Variants in HRH2 observed in about 807,000 individuals in gnomAD.
The protein encoded by HRH2 is histamine H2 receptor.
Under a neutral mutation model 20.1 loss-of-function variants are expected in HRH2, and 4 were observed. That is an observed-to-expected ratio of 0.20 (90% CI 0.10 to 0.45). HRH2 has a LOEUF of 0.45. HRH2 is among the 20% of genes least tolerant of loss of function. HRH2 has a pLI of 0.99. For missense variants in HRH2, 250 were observed against 461.6 expected, an observed-to-expected ratio of 0.54 and a Z score of 4.20; for synonymous variants, 197 against 200.7, an observed-to-expected ratio of 0.98 and a Z score of 0.16.
rs1561732655 is a variant in HRH2 at position 175,686,216 on chromosome 5, AAAT to A, written c.1076+1909_1076+1911del. 1.3e-5 allele frequency: 2 copies of A among 152,234 alleles called. No homozygotes were observed. The highest frequency in any genetic ancestry group is 4.8e-5 in the African/African-American group (2 of 41,448). 9.4% of individuals were successfully genotyped at this position (152,234 alleles called of 1,614,324 possible). On this transcript the variant is annotated intron_variant, in intron 2 of 2. Transcript: ENST00000636584. This position sits in a 1 kb window ranked among gnomAD's most constrained non-coding sequence, Gnocchi z 4.7. ...CTGACTTAGTTCACAAAGTATAAAA[AAAT>A]ACAGGGATGTGGTTCAGCTAGAAGG...
chr5:175,696,764 T>G (rs1756599749), intron 2 of HRH2, among the ~76,000 whole-genome samples: 1 of 152,226 alleles, frequency 6.6e-6, no homozygotes, highest in African/African-American at 2.4e-5. Context: ...GCCCCCTTGC[T>G]GGCTCTTCTA....
chr5:175,666,468 T>C (rs653531), intron 1 of HRH2, among the ~76,000 whole-genome samples: 8,758 of 152,240 alleles, frequency 0.058, 867 homozygotes, highest in African/African-American at 0.2. Context: ...ACTCCGTCAC[T>C]GAGGCTGGAG....
intron 1 of HRH2, among the ~76,000 whole-genome samples, chr5:175,667,873 A>G (rs1457960281): frequency 2.0e-5 from 3 of 152,202 alleles, no homozygotes; most frequent in Admixed American, 6.5e-5. Flanking sequence ...GCATCCCTAG[A>G]AAGTGGGCCA....
At chr5:175,661,432 T>G (rs659562) in intron 1 of HRH2, among the ~76,000 whole-genome samples, 31,243 of 152,194 alleles carry the variant, frequency 0.21, 3,569 homozygotes, top group Non-Finnish European at 0.25. Context: ...ATTCTTACTA[T>G]GTTCCCATGA....
intron 2 of HRH2, among the ~76,000 whole-genome samples, chr5:175,685,168 C>T (rs908659623): frequency 3.3e-5 from 5 of 152,000 alleles, no homozygotes; most frequent in African/African-American, 7.3e-5. Flanking sequence ...GGGCACCAGG[C>T]GGAAAAGATG....
intron 1 of HRH2, among the ~76,000 whole-genome samples, chr5:175,659,185 G>C (rs1279677279): frequency 6.6e-6 from 1 of 152,174 alleles, no homozygotes; most frequent in Admixed American, 6.5e-5. Flanking sequence ...CCTGTCCTGA[G>C]GCTGATGCTC....
At chr5:175,700,500 G>A (rs922202119) in intron 2 of HRH2, among the ~76,000 whole-genome samples, 4 of 152,162 alleles carry the variant, frequency 2.6e-5, no homozygotes, top group South Asian at 4.1e-4. Context: ...TAAGTGCCTC[G>A]GCAAAGGGGC....
intron 1 of HRH2, among the ~76,000 whole-genome samples, chr5:175,662,878 C>T (rs571545304): frequency 1.3e-5 from 2 of 152,202 alleles, no homozygotes; most frequent in African/African-American, 2.4e-5. Context: ...TACTTTCCCT[C>T]GCTATAGGTT....
intron 1 of HRH2, among the ~76,000 whole-genome samples, chr5:175,672,246 C>T (rs777037403): frequency 2.0e-5 from 3 of 152,210 alleles, no homozygotes; most frequent in Non-Finnish European, 4.4e-5. Context: ...CACCCCAGCT[C>T]CTGCCCCTGA....
At chr5:175,692,365 C>T (rs1756414487) in intron 2 of HRH2, among the ~76,000 whole-genome samples, 1 of 152,230 alleles carries the variant, frequency 6.6e-6, no homozygotes, top group African/African-American at 2.4e-5. Flanking sequence ...ATGGTGGGCT[C>T]AATTTGCCTA....
chr5:175,660,026 C>T (rs1683985420), intron 1 of HRH2, among the ~76,000 whole-genome samples: 1 of 152,190 alleles, frequency 6.6e-6, no homozygotes, highest in Non-Finnish European at 1.5e-5. Context: ...TTCTCCTGAG[C>T]TCACAGGCAC....
chr5:175,692,728 C>T (rs2113537214), intron 2 of HRH2, among the ~76,000 whole-genome samples: 1 of 152,302 alleles, frequency 6.6e-6, no homozygotes, highest in East Asian at 1.9e-4. Flanking sequence ...CCTGGTGCCC[C>T]CCATCTGAAA....
intron 1 of HRH2, among the ~76,000 whole-genome samples, chr5:175,658,783 C>T (rs1481112676): frequency 1.3e-5 from 2 of 152,258 alleles, no homozygotes; most frequent in African/African-American, 4.8e-5. Flanking sequence ...GACATCTGGA[C>T]GTGGATTTGC....
intron 2 of HRH2, among the ~76,000 whole-genome samples, chr5:175,692,219 C>T (rs1283748026): frequency 2.6e-5 from 4 of 152,156 alleles, no homozygotes; most frequent in Admixed American, 2.0e-4. Flanking sequence ...AGCCACAGCC[C>T]GTACATAAAT....
At chr5:175,703,153 C>A (rs1008391331) in intron 2 of HRH2, among the ~76,000 whole-genome samples, 1 of 152,138 alleles carries the variant, frequency 6.6e-6, no homozygotes, top group African/African-American at 2.4e-5. Context: ...GTACCTATTC[C>A]TTTCAGGCAC....
chr5:175,673,434 T>A (rs1376267765), intron 1 of HRH2, among the ~76,000 whole-genome samples: 1 of 152,178 alleles, frequency 6.6e-6, no homozygotes, highest in Non-Finnish European at 1.5e-5. Context: ...CCTCACTTCA[T>A]GATTTATATC....
rs1026409280 is a variant in HRH2, at chr5:175,677,772, C to T, written c.-525-4937C>T. Reference sequence around the variant, plus strand: ...GAGGAACTGGGCGGTGCCGGGCAGCCACCTGCTCCGGCCCACCCCCAGCTG... The same window carrying T: ...GAGGAACTGGGCGGTGCCGGGCAGCTACCTGCTCCGGCCCACCCCCAGCTG... On this transcript the variant is annotated intron_variant, in intron 1 of 2. Transcript: ENST00000636584. The surrounding 1 kb of genome is among the most constrained non-coding windows in gnomAD (Gnocchi z 4.2). Among the ~76,000 whole-genome samples, 6 of 152,024 alleles carry T rather than the reference C, an allele frequency of 3.9e-5. No homozygotes were observed. The highest frequency in any genetic ancestry group is 1.5e-4 in the African/African-American group (6 of 41,364).
At position 175,710,346 on chromosome 5, in the gene HRH2, A is replaced by G. The variant is rs984532344; in HGVS notation, c.*2375A>G. 1 of 152,328 alleles carries G rather than the reference A, an allele frequency of 6.6e-6. No homozygotes were observed. The highest frequency in any genetic ancestry group is 6.5e-5 in the Admixed American group (1 of 15,286). The allele number at this position is 152,328 out of a possible 1,614,324, so 9.4% of individuals were successfully genotyped here. ...AGATGCTTTCAGCAGTGTATCTGCC[A>G]ATAAACCTAAAGGCATGATTTGCCC... is the stretch of plus-strand genomic sequence containing the variant. On this transcript the variant is annotated 3_prime_UTR_variant, in exon 3 of 3. Coordinates refer to ENST00000636584, the MANE Select transcript of HRH2 (RefSeq NM_001367711.1).
At position 175,686,652 on chromosome 5, in the gene HRH2, C is replaced by A. The variant is rs535257116; in HGVS notation, c.1076+2343C>A. Among the ~76,000 whole-genome samples, 3 of 152,210 alleles carry A rather than the reference C, an allele frequency of 2.0e-5. No individual in the cohort carries two copies. The highest frequency in any genetic ancestry group is 4.4e-5 in the Non-Finnish European group (3 of 68,040). On this transcript the variant is annotated intron_variant, in intron 2 of 2. Coordinates refer to ENST00000636584, the MANE Select transcript of HRH2 (RefSeq NM_001367711.1). This position sits in a 1 kb window ranked among gnomAD's most constrained non-coding sequence, Gnocchi z 4.7. ...GGCGCATGGGCCCGGGAGCCCATCC[C>A]GGAGAGGAGACCTCTGAGCTTTTAA...
Sources: allele counts gnomAD v4.1 joint callset (sites outside exome capture counted in the v4.1 genomes callset), GRCh38; gene constraint gnomAD v4.1.1; non-coding constraint Gnocchi (gnomAD v3.1); transcripts MANE v1.5; gene names NCBI Gene and HGNC (gene_info 2026-07-23, HGNC 2026-07-21).